The following PJA2 variants were observed in gnomAD, a reference collection of about 807,000 sequenced individuals.
PJA2 encodes the protein praja ring finger ubiquitin ligase 2, also known as E3 ubiquitin-protein ligase Praja-2.
In PJA2, 25 loss-of-function variants were observed where a neutral mutation model predicts 69.3. The observed-to-expected ratio is 0.36, with a 90% CI of 0.26 to 0.50. The LOEUF (loss-of-function observed/expected upper bound fraction) is 0.50, where lower values mean the gene tolerates loss of function less well. PJA2 is among the 20% of genes least tolerant of loss of function. PJA2 has a pLI of 0.96. For missense variants in PJA2, 809 were observed against 830.2 expected (o/e 0.97, Z 0.31); for synonymous variants, 308 against 277.8 (o/e 1.11, Z -1.08).
chr5:109,383,125 C>T (rs1747088210), intron 2 of PJA2, among the ~76,000 whole-genome samples: 1 of 152,074 alleles, frequency 6.6e-6, no homozygotes, highest in African/African-American at 2.4e-5. Flanking sequence ...AGTATGACTC[C>T]AGAACCAATG....
intron 7 of PJA2, among the ~76,000 whole-genome samples, chr5:109,346,554 T>C (rs1338441780): frequency 6.6e-6 from 1 of 152,218 alleles, no homozygotes; most frequent in East Asian, 1.9e-4. Context: ...GATATACACA[T>C]ACAGTGAAAT....
intron 7 of PJA2, 37 bp from the exon 8 acceptor site, chr5:109,344,856 C>T: frequency 7.4e-7 from 1 of 1,346,734 alleles, no homozygotes; most frequent in East Asian, 2.3e-5. Flanking sequence ...GTTAGAAATA[C>T]TTTAAAACAG....
intron 9 of PJA2, among the ~76,000 whole-genome samples, chr5:109,339,006 C>T (rs1395171772): frequency 2.0e-5 from 3 of 152,268 alleles, no homozygotes; most frequent in African/African-American, 4.8e-5. Flanking sequence ...CTGCACCTAC[C>T]TATATCATCT....
intron 1 of PJA2, among the ~76,000 whole-genome samples, chr5:109,389,904 A>AT (rs56405345): frequency 0.064 from 9,211 of 143,446 alleles, 342 homozygotes; most frequent in African/African-American, 0.11. Flanking sequence ...TTTGCAGTCT[A>AT]TTTTTTTTTT....
chr5:109,359,602 AG>A (rs1294514120), intron 6 of PJA2, among the ~76,000 whole-genome samples: 4 of 152,214 alleles, frequency 2.6e-5, no homozygotes, highest in Admixed American at 2.6e-4. Context: ...ATACAACCTA[AG>A]GGACATTCTA....
At chr5:109,406,217 T>C (rs7708029) in intron 1 of PJA2, among the ~76,000 whole-genome samples, 26,374 of 152,004 alleles carry the variant, frequency 0.17, 3,495 homozygotes, top group East Asian at 0.36. Flanking sequence ...ATTTTTTGTA[T>C]TTTTAGTAGA....
At chr5:109,344,961 C>T in intron 7 of PJA2, 142 bp from the exon 8 acceptor site, 1 of 524,012 alleles carries the variant, frequency 1.9e-6, no homozygotes. Flanking sequence ...CTCCTTTTGC[C>T]TCTTCAGAAG....
chr5:109,378,449 C>G lies in PJA2; in HGVS notation c.1038G>C (p.Trp346Cys). ...HEAKQRSVQR[W>C]REALEVEESG... The stretch of plus-strand genomic sequence containing the variant: ...TTTCCTCAACTTCCAAAGCCTCTCT[C>G]CATCTTTGAACACTTCTTTGTTTCG... The change falls in exon 4 of 10, where the codon TGG becomes TGC. Residue 346 changes from tryptophan (W) to cysteine (C), a missense_variant. Physicochemically the swap from Trp to Cys is radical, Grantham distance 215. This residue lies in a region of PJA2 where 700 missense variants were observed against 639.5 expected (regional missense o/e 1.09). Transcript: ENST00000361189. 1 of 1,614,170 alleles carries G rather than the reference C, an allele frequency of 6.2e-7. No individual in the cohort carries two copies.
chr5:109,396,422 C>CTTTTT (rs35744917), intron 1 of PJA2, among the ~76,000 whole-genome samples: 12 of 85,258 alleles, frequency 1.4e-4, no homozygotes, highest in Admixed American at 2.7e-4. Context: ...ATGTAAAGTT[C>CTTTTT]TTTTTTTTTT....
intron 4 of PJA2, among the ~76,000 whole-genome samples, chr5:109,376,086 C>T (rs1746878454): frequency 2.0e-5 from 3 of 151,838 alleles, no homozygotes; most frequent in Admixed American, 2.0e-4. Flanking sequence ...TAAAACAAAA[C>T]GAAACAAGAA....
chr5:109,350,856 G>A (rs1762238840), intron 7 of PJA2, among the ~76,000 whole-genome samples: 1 of 152,126 alleles, frequency 6.6e-6, no homozygotes, highest in African/African-American at 2.4e-5. Context: ...GGGCCCGTGG[G>A]TATGGACAGT....
intron 6 of PJA2, among the ~76,000 whole-genome samples, chr5:109,357,928 A>G (rs1762441686): frequency 6.6e-6 from 1 of 152,240 alleles, no homozygotes; most frequent in African/African-American, 2.4e-5. Flanking sequence ...TCAAAGCATA[A>G]TATCAAGTTG....
At chr5:109,354,531 A>AG (rs1762372865) in intron 7 of PJA2, among the ~76,000 whole-genome samples, 1 of 41,870 alleles carries the variant, frequency 2.4e-5, no homozygotes, top group African/African-American at 1.2e-4. Context: ...AGATATCTAT[A>AG]ATATCTATAG....
chr5:109,337,776 C>A (rs540965427), intron 9 of PJA2, among the ~76,000 whole-genome samples: 4 of 151,836 alleles, frequency 2.6e-5, no homozygotes, highest in Non-Finnish European at 5.9e-5. Context: ...AAACCACAGA[C>A]CTACTTTAAT....
intron 4 of PJA2, among the ~76,000 whole-genome samples, chr5:109,373,077 A>C (rs1762703489): frequency 6.6e-6 from 1 of 152,088 alleles, no homozygotes; most frequent in Middle Eastern, 3.4e-3. Flanking sequence ...CTAGGTGACA[A>C]AGCGAGACTG....
At chr5:109,363,469 A>C (rs1371912423) in intron 5 of PJA2, among the ~76,000 whole-genome samples, 1 of 152,170 alleles carries the variant, frequency 6.6e-6, no homozygotes, top group African/African-American at 2.4e-5. Context: ...ACTCTTCCCC[A>C]GCTACTATGC....
chr5:109,354,124 G>GAGATGTCTATAGATTAGATATCTA lies in PJA2; in HGVS notation c.1764+1790_1764+1791insTAGATATCTAATCTATAGACATCT, dbSNP rs1561345782. On this transcript the variant is annotated intron_variant, in intron 7 of 9. Transcript: ENST00000361189. The stretch of plus-strand genomic sequence containing the variant: ...GATATCTATAGATTAGATATCTATG[G>GAGATGTCTATAGATTAGATATCTA]TATCTAGAGCTGTCTATAGATTAGA... 6.1e-5 allele frequency among the ~76,000 whole-genome samples: 4 copies of GAGATGTCTATAGATTAGATATCTA among 65,876 alleles called. 2 individuals are homozygous for GAGATGTCTATAGATTAGATATCTA. The highest frequency in any genetic ancestry group is 1.5e-4 in the Non-Finnish European group (4 of 27,078). The allele number at this position is 65,876 out of a possible 152,430, so 43.2% of individuals were successfully genotyped here.
chr5:109,393,790 C>G (rs958615809), intron 1 of PJA2, among the ~76,000 whole-genome samples: 4 of 152,000 alleles, frequency 2.6e-5, no homozygotes, highest in African/African-American at 7.3e-5. Flanking sequence ...CCATAGCTAC[C>G]CACAACAGGA....
intron 1 of PJA2, among the ~76,000 whole-genome samples, chr5:109,386,373 A>G (rs1747157449): frequency 6.6e-6 from 1 of 152,184 alleles, no homozygotes; most frequent in Non-Finnish European, 1.5e-5. Context: ...CTTTGGTAGC[A>G]TGGTTGGTGC....
Sources: allele counts gnomAD v4.1 joint callset (sites outside exome capture counted in the v4.1 genomes callset), GRCh38; gene constraint gnomAD v4.1.1; regional missense constraint gnomAD v4.1.1; transcripts MANE v1.5; gene names NCBI Gene and HGNC (gene_info 2026-07-23, HGNC 2026-07-21).